The following PAXIP1 variants were observed in gnomAD, a reference collection of about 807,000 sequenced individuals.
PAXIP1 encodes the protein PAX interacting protein 1.
Under a neutral mutation model 140.6 loss-of-function variants are expected in PAXIP1, and 19 were observed. The ratio of observed to expected loss-of-function variants is 0.14; its 90% confidence interval spans 0.09 to 0.20. PAXIP1 has a LOEUF of 0.20. Ranked by LOEUF, PAXIP1 falls within the 10% of genes least tolerant of loss-of-function variation. The pLI is 1.00. For missense variants in PAXIP1, 920 were observed against 1,208.6 expected (o/e 0.76, Z 3.54); for synonymous variants, 442 against 444.6 (o/e 0.99, Z 0.07).
At chr7:154,979,408 T>C (rs1809741166) in intron 5 of PAXIP1, among the ~76,000 whole-genome samples, 1 of 152,160 alleles carries the variant, frequency 6.6e-6, no homozygotes, top group Admixed American at 6.5e-5. Flanking sequence ...AAATGTTATT[T>C]TTGTGTACAG....
chr7:154,983,862 G>A (rs1015354124), intron 4 of PAXIP1: 4 of 153,032 alleles, frequency 2.6e-5, no homozygotes, highest in South Asian at 4.1e-4. Context: ...CTTAACACAG[G>A]AAAGAAAGAA....
At chr7:154,970,676 A>AC (rs1809262567) in intron 6 of PAXIP1, among the ~76,000 whole-genome samples, 1 of 152,036 alleles carries the variant, frequency 6.6e-6, no homozygotes, top group South Asian at 2.1e-4. Context: ...CTGTGCAAAC[A>AC]CCCCCTAAGA....
intron 8 of PAXIP1, chr7:154,965,615 T>C (rs946160071): frequency 2.6e-5 from 4 of 152,262 alleles, no homozygotes; most frequent in Non-Finnish European, 4.4e-5. Context: ...TGAAGACCTT[T>C]ATGATGATAT....
At chr7:155,000,877 C>A (rs1810856622) in intron 1 of PAXIP1, 1 of 152,206 alleles carries the variant, frequency 6.6e-6, no homozygotes, top group Admixed American at 6.5e-5. Context: ...ATCTCAAAAC[C>A]CAACTGAAAT....
chr7:155,000,475 C>A (rs571378120), intron 1 of PAXIP1: 1 of 152,418 alleles, frequency 6.6e-6, no homozygotes, highest in Non-Finnish European at 1.5e-5. Context: ...AAGTCACCCA[C>A]ATCCTTCCAC....
At position 154,946,555 on chromosome 7, in the gene PAXIP1, T is replaced by G. The variant is rs780471773; in HGVS notation, c.3090A>C (p.Glu1030Asp). 6.2e-7 allele frequency: 1 copy of G among 1,614,018 alleles called. No individual in the cohort carries two copies. Among genetic ancestry groups the G allele is most frequent in the Non-Finnish European group, 8.5e-7 (1 of 1,179,870 alleles). The change falls in exon 19 of 21, where the codon GAA (glutamate) becomes GAC (aspartate). Residue 1030 changes from glutamate (E) to aspartate (D), a missense_variant. Physicochemically the swap from Glu to Asp is conservative, Grantham distance 45. This residue lies in a region of PAXIP1 where 303 missense variants were observed against 517.9 expected (regional missense o/e 0.59). Transcript: ENST00000404141. This position sits in a 1 kb window ranked among gnomAD's most constrained non-coding sequence, Gnocchi z 4.9. ...ATTCTCGGCATAAATGAAGGTCATTTTCACAGGATATTAAAATTATTTCCG... is the reference window on the plus strand; with the variant it reads ...ATTCTCGGCATAAATGAAGGTCATTGTCACAGGATATTAAAATTATTTCCG... Reference protein sequence around the residue: ...SLSEIILISCENDLHLCREYF... With the variant: ...SLSEIILISCDNDLHLCREYF...
intron 5 of PAXIP1, among the ~76,000 whole-genome samples, chr7:154,980,248 G>GT (rs914863007): frequency 2.9e-4 from 43 of 148,556 alleles, no homozygotes; most frequent in African/African-American, 6.7e-4. Flanking sequence ...AAGTTAGTCA[G>GT]TTTTTTTTTT....
At chr7:154,964,097 A>C in intron 8 of PAXIP1, 1 of 199,718 alleles carries the variant, frequency 5.0e-6, no homozygotes, top group Non-Finnish European at 1.0e-5. Flanking sequence ...ACAGAGGAGG[A>C]TGTTTGGCAG....
intron 2 of PAXIP1, among the ~76,000 whole-genome samples, chr7:154,995,693 C>T (rs996192926): frequency 3.3e-5 from 5 of 151,994 alleles, no homozygotes; most frequent in Non-Finnish European, 7.4e-5. Flanking sequence ...CTACTAAAAA[C>T]ACAAAAGTTA....
chr7:154,994,882 T>A (rs1487994892), intron 2 of PAXIP1, among the ~76,000 whole-genome samples: 4 of 152,258 alleles, frequency 2.6e-5, no homozygotes, highest in Non-Finnish European at 5.9e-5. Context: ...AAGAAGGCAC[T>A]TAATTTTTCG....
Position 154,947,972 on chromosome 7 carries a change from C to T in PAXIP1, c.2853G>A (p.Glu951=). Residue 951 remains glutamate, a synonymous_variant, in exon 17 of 21, where the codon GAG becomes GAA. Coordinates refer to ENST00000404141, the MANE Select transcript of PAXIP1 (RefSeq NM_007349.4). ...AGCTGAAAGAGAAAAGTACTTCTGC[C>T]TCAGCATCTCGGAGAATGTAGTTCT... The part of the protein sequence containing the change: ...DEQNYILRDA[E]AEVLFSFSLE... The T allele has an allele frequency of 6.2e-7, 1 of 1,613,450 alleles. No individual in the cohort carries two copies. Among genetic ancestry groups the T allele is most frequent in the South Asian group, 1.1e-5 (1 of 91,074 alleles).
rs890121495 is a variant in PAXIP1, at chr7:154,948,182, A to G, written c.2822-179T>C. 18 of 580,558 alleles carry G rather than the reference A, an allele frequency of 3.1e-5. No individual in the cohort carries two copies. In the African/African-American group the frequency reaches 3.4e-4, roughly 11 times the overall value. The allele number at this position is 580,558 out of a possible 1,614,324, so 36.0% of individuals were successfully genotyped here. ...CATTTACTTCCCTCTAAAAACAGCC[A>G]GACCAAAAAGACAGACAGGTATTTT... On this transcript the variant is annotated intron_variant, in intron 16 of 20. Coordinates refer to ENST00000404141, the MANE Select transcript of PAXIP1 (RefSeq NM_007349.4).
intron 1 of PAXIP1, chr7:155,000,134 C>T (rs1029891617): frequency 6.6e-6 from 1 of 152,160 alleles, no homozygotes; most frequent in African/African-American, 2.4e-5. Context: ...TCTTCTTTCA[C>T]TTATTAAACT....
At position 154,990,993 on chromosome 7, in the gene PAXIP1, T is replaced by G; in HGVS notation, c.324+13A>C. On this transcript the variant is annotated intron_variant, in intron 4 of 20. Coordinates refer to ENST00000404141, the MANE Select transcript of PAXIP1 (RefSeq NM_007349.4). ...CATATAAATAACTCAAGACTAACTGTAACCATGCTTACCTGAGAAAGGCAG... is the reference window on the plus strand; with the variant it reads ...CATATAAATAACTCAAGACTAACTGGAACCATGCTTACCTGAGAAAGGCAG... The G allele has an allele frequency of 6.6e-7, 1 of 1,519,898 alleles. No homozygotes were observed. The highest frequency in any genetic ancestry group is 8.9e-7 in the Non-Finnish European group (1 of 1,121,214). The allele number at this position is 1,519,898 out of a possible 1,614,324, so 94.2% of individuals were successfully genotyped here. A position where few individuals can be genotyped will look rare whatever the true frequency, so the allele number is the denominator to read the frequency against.
At chr7:154,945,532 C>T (rs182234645) in intron 20 of PAXIP1, 1 of 985,440 alleles carries the variant, frequency 1.0e-6, no homozygotes, top group Admixed American at 6.1e-5. Flanking sequence ...GCAGTCCTAT[C>T]CCAAACACAA....
At chr7:154,945,625 G>GCTCAGCC (rs3054463) in intron 20 of PAXIP1, 4 of 983,956 alleles carry the variant, frequency 4.1e-6, no homozygotes, top group East Asian at 1.1e-4. Flanking sequence ...GAGAGGAGGA[G>GCTCAGCC]CTCCAGCCTC....
chr7:154,944,711 G>C (rs1472202424), intron 20 of PAXIP1: 3 of 152,116 alleles, frequency 2.0e-5, no homozygotes, highest in African/African-American at 7.3e-5. Context: ...ATACAAACAT[G>C]AATGTTAGGA....
At position 154,986,108 on chromosome 7, in the gene PAXIP1, G is replaced by T. The variant is rs756393758; in HGVS notation, c.325-2776C>A. 1.0e-5 allele frequency: 14 copies of T among 1,363,648 alleles called. No homozygotes were observed. Among genetic ancestry groups the T allele is most frequent in the Middle Eastern group, 2.1e-4 (1 of 4,786 alleles). The allele number at this position is 1,363,648 out of a possible 1,614,324, so 84.5% of individuals were successfully genotyped here. A position where few individuals can be genotyped will look rare whatever the true frequency, so the allele number is the denominator to read the frequency against. On this transcript the variant is annotated intron_variant, in intron 4 of 20. Transcript: ENST00000404141. The surrounding 1 kb of genome is among the most constrained non-coding windows in gnomAD (Gnocchi z 4.8). ...GTGCTTCCCAACTTCTGCTGGACAAGCTCCCTTCCCTACCTCTCCCTGGGA... is the reference window on the plus strand; with the variant it reads ...GTGCTTCCCAACTTCTGCTGGACAATCTCCCTTCCCTACCTCTCCCTGGGA...
rs779354009 is a variant in PAXIP1, at chr7:154,946,661, G to A, written c.3057+18C>T. On this transcript the variant is annotated intron_variant, in intron 18 of 20. Transcript: ENST00000404141. The surrounding 1 kb of genome is among the most constrained non-coding windows in gnomAD (Gnocchi z 4.9). The stretch of plus-strand genomic sequence containing the variant: ...ACAGGGCAATGACGGACTCGCTGGC[G>A]GACTCCACTCTACCCACCGAGTTCT... 28 of 1,613,416 alleles carry A rather than the reference G, an allele frequency of 1.7e-5. No individual in the cohort carries two copies. The highest frequency in any genetic ancestry group is 6.7e-5 in the Admixed American group (4 of 59,946).
Sources: allele counts gnomAD v4.1 joint callset (sites outside exome capture counted in the v4.1 genomes callset), GRCh38; gene constraint gnomAD v4.1.1; regional missense constraint gnomAD v4.1.1; non-coding constraint Gnocchi (gnomAD v3.1); transcripts MANE v1.5; gene names NCBI Gene and HGNC (gene_info 2026-07-23, HGNC 2026-07-21).